ABL1: variants seen among roughly 807,000 people sequenced by gnomAD.
The protein encoded by ABL1 is tyrosine-protein kinase ABL1.
Under a neutral mutation model 94.7 loss-of-function variants are expected in ABL1, and 11 were observed. The observed-to-expected ratio is 0.12, with a 90% confidence interval of 0.07 to 0.19. ABL1 has a LOEUF of 0.19. ABL1 is among the 10% of genes least tolerant of loss of function. ABL1 has a pLI of 1.00. For synonymous variants in ABL1, 656 were observed against 622.4 expected (o/e 1.05, Z -0.80); for missense variants, 1,082 against 1,489.4 (o/e 0.73, Z 4.50).
rs141554590 is a variant in ABL1, at chr9:130,720,659, G to A, written c.136+6204G>A. ...TTCCGAGGGGACTATACTATCTGAT[G>A]TATGTTTCAGTATGAAATAGAATCT... On this transcript the variant is annotated intron_variant, in intron 1 of 10. Transcript: ENST00000372348. Among the ~76,000 whole-genome samples the A allele has an allele frequency of 2.9e-4, 44 of 152,322 alleles. No individual in the cohort carries two copies. The East Asian group carries it at 6.9e-3, about 24-fold the overall frequency.
chr9:130,762,881 A>G (rs538034622), intron 1 of ABL1, among the ~76,000 whole-genome samples: 3 of 149,546 alleles, frequency 2.0e-5, no homozygotes, highest in Non-Finnish European at 4.4e-5. Flanking sequence ...ACTGCACTCC[A>G]GCCTGGTGAC....
upstream of ABL1, among the ~76,000 whole-genome samples, chr9:130,833,528 C>G (rs1191231272): frequency 6.6e-6 from 1 of 152,204 alleles, no homozygotes; most frequent in Non-Finnish European, 1.5e-5. Flanking sequence ...GCACCCATCC[C>G]CTGGGGGCCC....
At chr9:130,763,909 G>A (rs1832148508) in intron 1 of ABL1, among the ~76,000 whole-genome samples, 2 of 152,196 alleles carry the variant, frequency 1.3e-5, no homozygotes, top group Admixed American at 6.5e-5. Flanking sequence ...TGTAAAATGA[G>A]CATCATAATG....
At chr9:130,767,765 ACACT>A (rs1330072438) in intron 1 of ABL1, among the ~76,000 whole-genome samples, 1 of 152,254 alleles carries the variant, frequency 6.6e-6, no homozygotes, top group East Asian at 1.9e-4. Flanking sequence ...ATGTGTGTGC[ACACT>A]CACACACACG....
rs1461985697 is a variant in ABL1 at position 130,796,693 on chromosome 9, CTT to C, written c.137-57369_137-57368del. On this transcript the variant is annotated intron_variant, in intron 1 of 10. Coordinates refer to the ABL1 transcript ENST00000372348. ...TCTTGACTATGACATAGTCTGCTAA[CTT>C]TATGGATGTGGGCTCACAGGTAAAA... Among the ~76,000 whole-genome samples, 3 of 151,902 alleles carry C rather than the reference CTT, an allele frequency of 2.0e-5. No homozygotes were observed. In the East Asian group the frequency reaches 5.8e-4, roughly 29 times the overall value.
intron 1 of ABL1, among the ~76,000 whole-genome samples, chr9:130,785,838 G>A (rs113404543): frequency 2.3e-4 from 34 of 149,840 alleles, no homozygotes; most frequent in Non-Finnish European, 4.9e-4. Context: ...CACAAGAATC[G>A]CTTGAACCCG....
chr9:130,724,764 A>AG, intron 1 of ABL1: 1 of 465,310 alleles, frequency 2.1e-6, no homozygotes, highest in Non-Finnish European at 4.2e-6. Flanking sequence ...AAAAAAAAAA[A>AG]AAAAAAGCAA....
chr9:130,725,034 A>C (rs1831563354), intron 1 of ABL1: 2 of 226,310 alleles, frequency 8.8e-6, no homozygotes, highest in African/African-American at 2.3e-5. Flanking sequence ...TTCAAACGAT[A>C]ACGTTCCCTT....
intron 1 of ABL1, among the ~76,000 whole-genome samples, chr9:130,811,907 G>A (rs1185393125): frequency 4.8e-5 from 4 of 84,104 alleles, no homozygotes; most frequent in Admixed American, 2.1e-4. Flanking sequence ...GTGAGACTCC[G>A]TCTCAAAAAA....
chr9:130,846,564 G>C (rs1830776319), intron 1 of ABL1, among the ~76,000 whole-genome samples: 3 of 152,220 alleles, frequency 2.0e-5, no homozygotes, highest in Non-Finnish European at 1.5e-5. Context: ...CTTCCGGAGA[G>C]CCCACAGTGT....
rs114188050 is a variant in ABL1, at chr9:130,754,791, T to G, written c.136+40336T>G. Reference sequence around the variant, plus strand: ...CGGGGCTTCTCAGCACTCTTCCTTTTCTGAGTGCTTTTAACAAGCGGACTA... The same window carrying G: ...CGGGGCTTCTCAGCACTCTTCCTTTGCTGAGTGCTTTTAACAAGCGGACTA... On this transcript the variant is annotated intron_variant, in intron 1 of 10. Coordinates refer to the ABL1 transcript ENST00000372348. Among the ~76,000 whole-genome samples, 1,093 of 152,256 alleles carry G rather than the reference T, an allele frequency of 7.2e-3. 20 individuals are homozygous for G. Among genetic ancestry groups the G allele is most frequent in the African/African-American group, 0.026 (1,066 of 41,550 alleles).
intron 1 of ABL1, among the ~76,000 whole-genome samples, chr9:130,722,423 T>C (rs560218299): frequency 1.3e-5 from 2 of 152,244 alleles, no homozygotes; most frequent in South Asian, 4.1e-4. Context: ...TTTGGAAAGA[T>C]TATATCCATC....
chr9:130,869,083 T>C (rs935109929), intron 4 of ABL1, among the ~76,000 whole-genome samples: 10 of 151,556 alleles, frequency 6.6e-5, no homozygotes, highest in Non-Finnish European at 1.5e-4. Context: ...AGGAGAATGG[T>C]GTGAACCTGG....
rs969748401 is a variant in ABL1 at position 130,807,823 on chromosome 9, G to A, written c.137-46241G>A. ...AGAGATTCTCCTGCCTCAGCCTCCC[G>A]AGTAGCTGGGATCACAGGCACCCGC... On this transcript the variant is annotated intron_variant, in intron 1 of 10. Transcript: ENST00000372348. Among the ~76,000 whole-genome samples the A allele has an allele frequency of 1.6e-4, 24 of 148,106 alleles. No homozygotes were observed. The East Asian group carries it at 3.3e-3, about 20-fold the overall frequency.
intron 1 of ABL1, among the ~76,000 whole-genome samples, chr9:130,782,246 A>C (rs1311137013): frequency 2.6e-5 from 4 of 152,016 alleles, no homozygotes; most frequent in Admixed American, 2.6e-4. Context: ...TTTTTAGTAG[A>C]GACGGGGTTT....
At chr9:130,786,908 TTAAAA>T (rs1322515761) in intron 1 of ABL1, among the ~76,000 whole-genome samples, 1 of 151,070 alleles carries the variant, frequency 6.6e-6, no homozygotes, top group Non-Finnish European at 1.5e-5. Context: ...CTAGTCAGAA[TTAAAA>T]TAAGGACTAA....
chr9:130,738,377 A>G (rs1039241784), intron 1 of ABL1, among the ~76,000 whole-genome samples: 7 of 152,242 alleles, frequency 4.6e-5, no homozygotes, highest in Admixed American at 2.6e-4. Flanking sequence ...ATTCAGAACA[A>G]TAAGGAAGAA....
intron 1 of ABL1, among the ~76,000 whole-genome samples, chr9:130,760,702 C>T (rs1294575445): frequency 2.7e-5 from 4 of 150,622 alleles, no homozygotes; most frequent in African/African-American, 7.3e-5. Context: ...CTCGCTCTGT[C>T]GCCAGGCTGG....
intron 3 of ABL1, among the ~76,000 whole-genome samples, chr9:130,861,500 A>C (rs917470492): frequency 9.9e-5 from 15 of 152,226 alleles, no homozygotes; most frequent in Non-Finnish European, 1.0e-4. Flanking sequence ...GGTGCCTGAC[A>C]TAACCCACAG....
Sources: allele counts gnomAD v4.1 joint callset (sites outside exome capture counted in the v4.1 genomes callset), GRCh38; gene constraint gnomAD v4.1.1; transcripts MANE v1.5; gene names NCBI Gene and HGNC (gene_info 2026-07-23, HGNC 2026-07-21).